The following CCR3 variants were observed in gnomAD, a reference collection of about 807,000 sequenced individuals.
CCR3 encodes C-C motif chemokine receptor 3.
For missense variants in CCR3, 419 were observed against 437.5 expected (o/e 0.96, Z 0.38); for synonymous variants, 203 against 179.2 (o/e 1.13, Z -1.06).
chr3:46,261,706 G>A (rs1322304668), intron 1 of CCR3, among the ~76,000 whole-genome samples: 2 of 152,186 alleles, frequency 1.3e-5, no homozygotes, highest in Non-Finnish European at 2.9e-5. Flanking sequence ...TAAGTTGGTG[G>A]TCAGGCAGAA....
chr3:46,216,699 T>C, intron 2 of CCR3, among the ~76,000 whole-genome samples: 1 of 152,204 alleles, frequency 6.6e-6, no homozygotes, highest in Non-Finnish European at 1.5e-5. Context: ...TGGGGTCCTA[T>C]CTTTTGCCTC....
chr3:46,244,205 TA>T (rs1348664619), intron 1 of CCR3, among the ~76,000 whole-genome samples: 1 of 152,232 alleles, frequency 6.6e-6, no homozygotes, highest in Non-Finnish European at 1.5e-5. Flanking sequence ...GTGAATAACT[TA>T]ATCACACAAC....
At chr3:46,239,943 C>T (rs898326229), upstream of CCR3, among the ~76,000 whole-genome samples, 2 of 152,248 alleles carry the variant, frequency 1.3e-5, no homozygotes, top group African/African-American at 4.8e-5. Context: ...ATAGCTCCCA[C>T]ATTTCCATGG....
chr3:46,260,317 T>C (rs980972691), intron 1 of CCR3, among the ~76,000 whole-genome samples: 1 of 152,176 alleles, frequency 6.6e-6, no homozygotes, highest in African/African-American at 2.4e-5. Context: ...TTCCCAACAG[T>C]CACCCAAAGT....
rs113291083 is a variant in CCR3, at chr3:46,265,443, G to A, written c.285G>A (p.Arg95=). Residue 95 remains arginine (R), a synonymous_variant, in exon 2 of 2, where the codon AGG becomes AGA. Transcript: ENST00000395940. ...TTCCATTCTGGATCCACTATGTCAG[G>A]GGGCATAACTGGGTTTTTGGCCATG... ...VTLPFWIHYV[R]GHNWVFGHGM... 134 of 1,614,160 alleles carry A rather than the reference G, an allele frequency of 8.3e-5. No homozygotes were observed. The African/African-American group carries it at 1.3e-3, about 16-fold the overall frequency.
chr3:46,261,215 G>A (rs1700519812), intron 1 of CCR3, among the ~76,000 whole-genome samples: 1 of 152,152 alleles, frequency 6.6e-6, no homozygotes, highest in Admixed American at 6.5e-5. Context: ...TAATTGAGTA[G>A]ATGATCCTAA....
intron 1 of CCR3, among the ~76,000 whole-genome samples, chr3:46,258,468 T>C (rs1021890444): frequency 1.3e-4 from 20 of 152,206 alleles, no homozygotes; most frequent in Admixed American, 1.2e-3. Context: ...TTTGGGATTG[T>C]GTTTTTCAAG....
At chr3:46,222,045 G>T (rs2125923658) in intron 2 of CCR3, among the ~76,000 whole-genome samples, 1 of 152,342 alleles carries the variant, frequency 6.6e-6, no homozygotes, top group Non-Finnish European at 1.5e-5. Flanking sequence ...CTGGGCAGGA[G>T]CCCTGAAGGT....
At chr3:46,232,432 C>T (rs941226818) in intron 2 of CCR3, among the ~76,000 whole-genome samples, 4 of 152,178 alleles carry the variant, frequency 2.6e-5, no homozygotes, top group African/African-American at 7.2e-5. Context: ...CGGTAGTAGA[C>T]GCATCCTAGA....
upstream of CCR3, chr3:46,242,424 A>T (rs1700099005): frequency 6.6e-6 from 1 of 152,208 alleles, no homozygotes. Context: ...CTAAGCTATC[A>T]CTGGACATAT....
At chr3:46,249,212 A>G (rs566185330) in intron 1 of CCR3, among the ~76,000 whole-genome samples, 3 of 152,138 alleles carry the variant, frequency 2.0e-5, no homozygotes, top group Non-Finnish European at 4.4e-5. Flanking sequence ...GAAGAAGGGC[A>G]GCAATGAGAT....
rs1699774993 is a variant in CCR3 at position 46,216,391 on chromosome 3, G to A, written c.-68+5484G>A. Among the ~76,000 whole-genome samples, 6 of 152,236 alleles carry A rather than the reference G, an allele frequency of 3.9e-5. No homozygotes were observed. In the South Asian group the frequency reaches 1.0e-3, roughly 26 times the overall value. The stretch of plus-strand genomic sequence containing the variant: ...TAATTGGTGTGCCTGAGGAAGAAAG[G>A]GAATCTAAAACTTATCTGAAAACGT... On this transcript the variant is annotated intron_variant, in intron 2 of 3. Coordinates refer to the CCR3 transcript ENST00000357422.
chr3:46,225,579 T>A (rs954651648), intron 2 of CCR3, among the ~76,000 whole-genome samples: 1 of 152,196 alleles, frequency 6.6e-6, no homozygotes, highest in Admixed American at 6.5e-5. Flanking sequence ...CCAGTGTTTG[T>A]TTTACTATTC....
rs891773070 is a variant in CCR3 at position 46,266,372 on chromosome 3, G to C, written c.*146G>C. 4 of 621,618 alleles carry C rather than the reference G, an allele frequency of 6.4e-6. No individual in the cohort carries two copies. The highest frequency in any genetic ancestry group is 1.2e-5 in the Non-Finnish European group (4 of 344,334). 38.5% of individuals were successfully genotyped at this position (621,618 alleles called of 1,614,324 possible). On this transcript the variant is annotated 3_prime_UTR_variant, in exon 2 of 2. Transcript: ENST00000395940. ...AAGACACTGAAATATACACACAGCA[G>C]TAGCAGTAGATGCATGTACCCTAAG...
chr3:46,225,134 A>G (rs189196037), intron 2 of CCR3, among the ~76,000 whole-genome samples: 29 of 152,162 alleles, frequency 1.9e-4, no homozygotes, highest in Non-Finnish European at 2.8e-4. Context: ...ATGCTACATA[A>G]CCTCATTTAT....
intron 2 of CCR3, among the ~76,000 whole-genome samples, chr3:46,215,896 T>C (rs1699768898): frequency 1.3e-5 from 2 of 152,192 alleles, no homozygotes; most frequent in South Asian, 4.1e-4. Context: ...GCTGCCCCTA[T>C]AGATGGCTAC....
rs1236594227 is a variant in CCR3, at chr3:46,265,269, GC to G, written c.116del (p.Pro39ArgfsTer18). The G allele has an allele frequency of 6.2e-7, 1 of 1,614,038 alleles. No homozygotes were observed. The highest frequency in any genetic ancestry group is 1.7e-5 in the Admixed American group (1 of 60,014). ...CCAGAGCACTGATGGCCCAGTTTGT[GC>G]CCCCGCTGTACTCCCTGGTGTTCAC... The part of the protein sequence containing the change: ...DTRALMAQFV[P>X]PLYSLVFTVG... On this transcript the variant is annotated frameshift_variant, in exon 2 of 2. Coordinates refer to ENST00000395940, the MANE Select transcript of CCR3 (RefSeq NM_178329.3). LOFTEE classifies it low-confidence loss of function (END_TRUNC).
intron 1 of CCR3, among the ~76,000 whole-genome samples, chr3:46,259,569 T>C (rs1274457041): frequency 6.6e-6 from 1 of 152,194 alleles, no homozygotes; most frequent in Admixed American, 6.5e-5. Context: ...GATTTAACAT[T>C]ATTTCTTATT....
chr3:46,219,946 C>T (rs1285363087), intron 2 of CCR3, among the ~76,000 whole-genome samples: 2 of 152,086 alleles, frequency 1.3e-5, no homozygotes, highest in African/African-American at 2.4e-5. Context: ...AGTTCATGTC[C>T]AAGAACCCAA....
Sources: allele counts gnomAD v4.1 joint callset (sites outside exome capture counted in the v4.1 genomes callset), GRCh38; gene constraint gnomAD v4.1.1; transcripts MANE v1.5; gene names NCBI Gene and HGNC (gene_info 2026-07-23, HGNC 2026-07-21).